SPON1: variants seen among roughly 807,000 people sequenced by gnomAD.
SPON1 encodes spondin-1.
Under a neutral mutation model 111.7 loss-of-function variants are expected in SPON1, and 52 were observed. The ratio of observed to expected loss-of-function variants is 0.47; its 90% CI spans 0.37 to 0.59. The LOEUF is 0.59. Ranked by LOEUF, SPON1 falls within the 20% of genes least tolerant of loss-of-function variation. The pLI, the probability that SPON1 is intolerant of heterozygous loss-of-function variation, is 0.00. For missense variants in SPON1, 957 were observed against 1,068.5 expected, an observed-to-expected ratio of 0.90 and a Z score of 1.46; for synonymous variants, 410 against 395.8, an observed-to-expected ratio of 1.04 and a Z score of -0.43.
intron 5 of SPON1, among the ~76,000 whole-genome samples, chr11:14,133,479 G>T (rs1161519564): frequency 6.6e-6 from 1 of 152,210 alleles, no homozygotes; most frequent in Non-Finnish European, 1.5e-5. Flanking sequence ...TATAAAGGAG[G>T]AATGGGAGTT....
chr11:14,175,307 A>G (rs1408919596), intron 6 of SPON1, among the ~76,000 whole-genome samples: 2 of 152,240 alleles, frequency 1.3e-5, no homozygotes, highest in African/African-American at 2.4e-5. Flanking sequence ...TGTCCTCTGG[A>G]TGGTGGAAAT....
At chr11:14,192,679 CA>C (rs1324161291) in intron 6 of SPON1, among the ~76,000 whole-genome samples, 1 of 152,132 alleles carries the variant, frequency 6.6e-6, no homozygotes, top group Non-Finnish European at 1.5e-5. Flanking sequence ...GGCAAAAAAA[CA>C]GACCTGGTAA....
At chr11:14,189,830 A>G (rs1848325993) in intron 6 of SPON1, among the ~76,000 whole-genome samples, 1 of 152,222 alleles carries the variant, frequency 6.6e-6, no homozygotes, top group Non-Finnish European at 1.5e-5. Flanking sequence ...AGAGAAGACT[A>G]AAATGTTATT....
chr11:14,224,914 G>A (rs749213701), intron 6 of SPON1, among the ~76,000 whole-genome samples: 15 of 152,210 alleles, frequency 9.9e-5, no homozygotes, highest in Non-Finnish European at 2.1e-4. Context: ...TGGACTGGGT[G>A]CAGGGAGTAA....
chr11:14,123,285 G>C (rs553194360), intron 5 of SPON1, among the ~76,000 whole-genome samples: 47 of 152,242 alleles, frequency 3.1e-4, no homozygotes, highest in African/African-American at 9.9e-4. Flanking sequence ...ACATTGTTGA[G>C]TGTCTGGATT....
chr11:14,108,798 G>T (rs1554925148), intron 5 of SPON1, among the ~76,000 whole-genome samples: 3 of 151,584 alleles, frequency 2.0e-5, no homozygotes, highest in African/African-American at 7.3e-5. Flanking sequence ...AGTGGAGTTT[G>T]GAATTTATGT....
chr11:14,175,635 T>A (rs1554933007), intron 6 of SPON1, among the ~76,000 whole-genome samples: 1 of 152,188 alleles, frequency 6.6e-6, no homozygotes, highest in Non-Finnish European at 1.5e-5. Flanking sequence ...AGTAGTTTAC[T>A]GTTTTACTCA....
chr11:14,086,051 A>T (rs1166513863), intron 5 of SPON1, among the ~76,000 whole-genome samples: 2 of 152,136 alleles, frequency 1.3e-5, no homozygotes, highest in African/African-American at 4.8e-5. Flanking sequence ...TTAAGCTGAG[A>T]TGATGGGGTT....
intron 6 of SPON1, among the ~76,000 whole-genome samples, chr11:14,203,920 G>T (rs1397149970): frequency 6.6e-6 from 1 of 152,196 alleles, no homozygotes; most frequent in Non-Finnish European, 1.5e-5. Context: ...GTTCAAAAAT[G>T]GGAAGAATCA....
intron 2 of SPON1, among the ~76,000 whole-genome samples, chr11:13,985,784 C>A (rs1457903388): frequency 6.6e-6 from 1 of 152,158 alleles, no homozygotes; most frequent in Non-Finnish European, 1.5e-5. Context: ...AGTCCAGCAT[C>A]TCAAGGGTCC....
rs113022121 is a variant in SPON1, at chr11:14,017,198, T to C, written c.346-24323T>C. Among the ~76,000 whole-genome samples, 16 of 152,318 alleles carry C rather than the reference T, an allele frequency of 1.1e-4. 1 individual carries two copies. The highest frequency in any genetic ancestry group is 3.4e-4 in the African/African-American group (14 of 41,576). ...TTGAGGTTGAACAAATGACCAGGTA[T>C]AACTGGTTCAGGACCCCAAAATAAT... On this transcript the variant is annotated intron_variant, in intron 2 of 15. Transcript: ENST00000576479.
At chr11:14,008,350 C>T (rs1848379697) in intron 2 of SPON1, among the ~76,000 whole-genome samples, 1 of 152,032 alleles carries the variant, frequency 6.6e-6, no homozygotes, top group Non-Finnish European at 1.5e-5. Flanking sequence ...TTTCTTCCTA[C>T]CATTTACACT....
intron 4 of SPON1, among the ~76,000 whole-genome samples, chr11:14,075,658 G>A (rs925161148): frequency 2.6e-5 from 4 of 152,200 alleles, no homozygotes; most frequent in Admixed American, 1.3e-4. Flanking sequence ...TATTGGTGTC[G>A]TCTTCTTATT....
intron 6 of SPON1, among the ~76,000 whole-genome samples, chr11:14,162,031 G>C (rs571891826): frequency 6.6e-6 from 1 of 151,616 alleles, no homozygotes; most frequent in African/African-American, 2.4e-5. Flanking sequence ...GGTGGCAAGC[G>C]CCTGTAATCC....
At chr11:14,050,674 G>A (rs1185795589) in intron 3 of SPON1, among the ~76,000 whole-genome samples, 1 of 151,966 alleles carries the variant, frequency 6.6e-6, no homozygotes, top group African/African-American at 2.4e-5. Flanking sequence ...AAGGGTGGGG[G>A]TGGTGATTTG....
intron 6 of SPON1, among the ~76,000 whole-genome samples, chr11:14,229,951 CGTGTGT>C (rs55709324): frequency 0.067 from 9,688 of 144,984 alleles, 389 homozygotes; most frequent in Middle Eastern, 0.15. Flanking sequence ...TCTGTGTGTC[CGTGTGT>C]GTGTGTGTGT....
rs782780924 is a variant in SPON1, at chr11:14,113,568, A to ATTTTTTT, written c.677-21806_677-21800dup. 2.8e-4 allele frequency among the ~76,000 whole-genome samples: 21 copies of ATTTTTTT among 74,732 alleles called. 1 individual carries two copies. Among genetic ancestry groups the ATTTTTTT allele is most frequent in the Non-Finnish European group, 4.8e-4 (18 of 37,758 alleles). 49.0% of individuals were successfully genotyped at this position (74,732 alleles called of 152,430 possible). A position where few individuals can be genotyped will look rare whatever the true frequency, so the allele number is the denominator to read the frequency against. On this transcript the variant is annotated intron_variant, in intron 5 of 15. Transcript: ENST00000576479. ...AAGTCACCTCCTATGTACTTTTTAA[A>ATTTTTTT]TTTTTTTTTTTTTTTTTTTTTTTTT... is the stretch of plus-strand genomic sequence containing the variant.
chr11:14,101,218 G>T (rs1044452754), intron 5 of SPON1, among the ~76,000 whole-genome samples: 1 of 152,012 alleles, frequency 6.6e-6, no homozygotes, highest in Non-Finnish European at 1.5e-5. Flanking sequence ...AGACCAACAT[G>T]GTGAAACCCC....
chr11:14,127,859 G>A (rs996915644), intron 5 of SPON1, among the ~76,000 whole-genome samples: 2 of 152,194 alleles, frequency 1.3e-5, no homozygotes, highest in Non-Finnish European at 2.9e-5. Flanking sequence ...ATGGCAGAAG[G>A]TGAAAGACAA....
Sources: allele counts gnomAD v4.1 joint callset (sites outside exome capture counted in the v4.1 genomes callset), GRCh38; gene constraint gnomAD v4.1.1; transcripts MANE v1.5; gene names NCBI Gene and HGNC (gene_info 2026-07-23, HGNC 2026-07-21).